TMEM232: variants seen among roughly 807,000 people sequenced by gnomAD.
The protein encoded by TMEM232 is transmembrane protein 232.
In TMEM232, 80 loss-of-function variants were observed where a neutral mutation model predicts 78.8. The observed-to-expected ratio is 1.01, with a 90% CI of 0.85 to 1.22. The LOEUF is 1.22. Ranked by LOEUF, TMEM232 falls within the 50% of genes most tolerant of loss-of-function variation. TMEM232 has a pLI of 0.00. For missense variants in TMEM232, 881 were observed against 742.2 expected (o/e 1.19, Z -2.17); for synonymous variants, 297 against 254.3 (o/e 1.17, Z -1.60).
At chr5:110,500,735 A>T (rs1260117045) in intron 12 of TMEM232, among the ~76,000 whole-genome samples, 1 of 152,204 alleles carries the variant, frequency 6.6e-6, no homozygotes, top group Non-Finnish European at 1.5e-5. Flanking sequence ...AATTTTCACA[A>T]TAAATATTTT....
At chr5:110,572,636 AACCATAAAAT>A (rs1166301217) in intron 10 of TMEM232, among the ~76,000 whole-genome samples, 2 of 152,092 alleles carry the variant, frequency 1.3e-5, no homozygotes, top group African/African-American at 4.8e-5. Flanking sequence ...ATCAATGATA[AACCATAAAAT>A]ATATTCTGAT....
chr5:110,478,497 T>C (rs972824701), intron 12 of TMEM232, among the ~76,000 whole-genome samples: 1 of 151,856 alleles, frequency 6.6e-6, no homozygotes, highest in Non-Finnish European at 1.5e-5. Context: ...ACTGAGGCCA[T>C]TTTTGGGCTT....
rs1414835706 is a variant in TMEM232 at position 110,685,419 on chromosome 5, A to G, written c.-12-18055T>C. 2.6e-5 allele frequency among the ~76,000 whole-genome samples: 4 copies of G among 152,160 alleles called. No individual in the cohort carries two copies. In the East Asian group the frequency reaches 7.7e-4, roughly 29 times the overall value. ...CAACAAAGCCAGTATGATCAAAATC[A>G]TTAGTCTTTGGAAAAATTCAAATTA... On this transcript the variant is annotated intron_variant, in intron 1 of 13. Transcript: ENST00000455884.
chr5:110,725,314 T>C (rs1798045519), intron 1 of TMEM232, among the ~76,000 whole-genome samples: 1 of 152,194 alleles, frequency 6.6e-6, no homozygotes, highest in Non-Finnish European at 1.5e-5. Context: ...GTGTGACATG[T>C]AGTACTTTAA....
intron 12 of TMEM232, among the ~76,000 whole-genome samples, chr5:110,461,353 A>ACTCT (rs1328116552): frequency 6.6e-6 from 1 of 152,088 alleles, no homozygotes; most frequent in Non-Finnish European, 1.5e-5. Context: ...CAAGGCCCTG[A>ACTCT]CTCTCTTCAG....
At chr5:110,459,293 G>T (rs1035169647) in intron 12 of TMEM232, among the ~76,000 whole-genome samples, 1 of 152,062 alleles carries the variant, frequency 6.6e-6, no homozygotes, top group African/African-American at 2.4e-5. Flanking sequence ...TTTGAACTGA[G>T]TTTTATTCTT....
intron 8 of TMEM232, among the ~76,000 whole-genome samples, chr5:110,609,354 A>G (rs1781897703): frequency 6.6e-6 from 1 of 151,946 alleles, no homozygotes; most frequent in African/African-American, 2.4e-5. Flanking sequence ...GAAACACAGC[A>G]GCCTTGTTTT....
chr5:110,599,183 A>T (rs1198566493), intron 10 of TMEM232, among the ~76,000 whole-genome samples: 6 of 152,068 alleles, frequency 3.9e-5, no homozygotes, highest in Non-Finnish European at 7.4e-5. Context: ...CTAAATATGG[A>T]AAGGAAAGAC....
In TMEM232 at chr5:110,605,106, T is replaced by TA; in HGVS notation, c.1276+2dup. On this transcript the variant is annotated splice_region_variant and intron_variant, in intron 10 of 13. Transcript: ENST00000455884. ...TCATCAAAGTAAAAAACAATCTACT[T>TA]ACAGTTCTCTGACATTTTTGAAGAG... The TA allele has an allele frequency of 2.6e-6, 4 of 1,536,934 alleles. No individual in the cohort carries two copies. Among genetic ancestry groups the TA allele is most frequent in the Non-Finnish European group, 3.5e-6 (4 of 1,138,456 alleles).
intron 12 of TMEM232, among the ~76,000 whole-genome samples, chr5:110,486,942 T>C (rs573778530): frequency 6.6e-6 from 1 of 152,114 alleles, no homozygotes; most frequent in African/African-American, 2.4e-5. Flanking sequence ...TACCCATTAA[T>C]GAGCACGGGA....
intron 12 of TMEM232, among the ~76,000 whole-genome samples, chr5:110,459,082 G>A (rs916177363): frequency 1.3e-5 from 2 of 152,084 alleles, no homozygotes; most frequent in Non-Finnish European, 2.9e-5. Flanking sequence ...CTTCAGAACT[G>A]AGCTATGCAC....
chr5:110,560,133 CAACACAT>C (rs1447114159), intron 11 of TMEM232, among the ~76,000 whole-genome samples: 1 of 152,096 alleles, frequency 6.6e-6, no homozygotes, highest in African/African-American at 2.4e-5. Context: ...CTACACAAGT[CAACACAT>C]AACAGTTGTG....
At chr5:110,735,399 C>T (rs1286182366) in intron 1 of TMEM232, among the ~76,000 whole-genome samples, 1 of 152,060 alleles carries the variant, frequency 6.6e-6, no homozygotes, top group Non-Finnish European at 1.5e-5. Context: ...ATATTATTTT[C>T]AAGGAAAATT....
At chr5:110,473,586 A>T (rs1762910742) in intron 12 of TMEM232, among the ~76,000 whole-genome samples, 2 of 149,290 alleles carry the variant, frequency 1.3e-5, no homozygotes, top group Admixed American at 6.6e-5. Context: ...ATTAAAAATT[A>T]AAAAATTAAA....
intron 2 of TMEM232, among the ~76,000 whole-genome samples, chr5:110,662,717 A>G (rs1396155820): frequency 6.6e-6 from 1 of 152,166 alleles, no homozygotes; most frequent in Non-Finnish European, 1.5e-5. Context: ...CAATAACTGT[A>G]CTACAGAAAT....
intron 11 of TMEM232, among the ~76,000 whole-genome samples, chr5:110,565,051 A>G (rs1188120516): frequency 1.3e-5 from 2 of 151,868 alleles, no homozygotes; most frequent in African/African-American, 4.8e-5. Flanking sequence ...CTTATCCTCT[A>G]CTTCCTCCAA....
chr5:110,672,565 CAAAAAG>C (rs1332379770), intron 1 of TMEM232, among the ~76,000 whole-genome samples: 1 of 151,748 alleles, frequency 6.6e-6, no homozygotes, highest in African/African-American at 2.4e-5. Context: ...TTCAAATTTC[CAAAAAG>C]AAAAAGAAAA....
Position 110,605,297 on chromosome 5 carries a change from A to G in TMEM232, c.1088T>C (p.Val363Ala). The change falls in exon 10 of 14, where the codon GTA (valine) becomes GCA (alanine). Residue 363 changes from valine to alanine, a missense_variant. Physicochemically the swap from Val to Ala is moderately conservative, Grantham distance 64. Transcript: ENST00000455884. ...WAWNVVYIYT[V>A]ILAEICLYAA... The stretch of plus-strand genomic sequence containing the variant: ...ATACAAGCAGATTTCTGCAAGAATT[A>G]CTGTATATATGTAGACTACATTCCA... 6.4e-7 allele frequency: 1 copy of G among 1,551,464 alleles called. No individual in the cohort carries two copies. Among genetic ancestry groups the G allele is most frequent in the Non-Finnish European group, 8.7e-7 (1 of 1,146,756 alleles).
intron 11 of TMEM232, among the ~76,000 whole-genome samples, chr5:110,546,616 T>C (rs1490417803): frequency 5.9e-5 from 9 of 152,072 alleles, no homozygotes; most frequent in African/African-American, 2.2e-4. Flanking sequence ...ACATAGTCAT[T>C]TGCAATAACT....
Sources: allele counts gnomAD v4.1 joint callset (sites outside exome capture counted in the v4.1 genomes callset), GRCh38; gene constraint gnomAD v4.1.1; transcripts MANE v1.5; gene names NCBI Gene and HGNC (gene_info 2026-07-23, HGNC 2026-07-21).